Variants in CDH12 observed in about 807,000 individuals in gnomAD.
CDH12 encodes the protein cadherin-12.
In CDH12, 41 loss-of-function variants were observed where a neutral mutation model predicts 74.1. The observed-to-expected ratio is 0.55, with a 90% CI of 0.43 to 0.72. The LOEUF (loss-of-function observed/expected upper bound fraction) is 0.72. CDH12 is among the 30% of genes least tolerant of loss of function. CDH12 has a pLI of 0.00. For missense variants in CDH12, 945 were observed against 977.2 expected, an observed-to-expected ratio of 0.97 and a Z score of 0.44; for synonymous variants, 399 against 355.0, an observed-to-expected ratio of 1.12 and a Z score of -1.39.
At chr5:22,685,831 G>A (rs1483078986) in intron 1 of CDH12, among the ~76,000 whole-genome samples, 1 of 152,060 alleles carries the variant, frequency 6.6e-6, no homozygotes, top group African/African-American at 2.4e-5. Flanking sequence ...CACTCTTTCA[G>A]TATTATGATT....
At chr5:22,616,653 C>A (rs560416201) in intron 1 of CDH12, among the ~76,000 whole-genome samples, 2 of 151,878 alleles carry the variant, frequency 1.3e-5, no homozygotes, top group South Asian at 2.1e-4. Flanking sequence ...AACAGTAAAA[C>A]TACTTGATAT....
chr5:22,344,302 T>C, intron 3 of CDH12, among the ~76,000 whole-genome samples: 1 of 152,330 alleles, frequency 6.6e-6, no homozygotes, highest in Middle Eastern at 3.4e-3. Flanking sequence ...CCATATTTTA[T>C]ATACTTTAGA....
rs1580827458 is a variant in CDH12, at chr5:22,624,840, G to A, written c.-522-119476C>T. The stretch of plus-strand genomic sequence containing the variant: ...TACCCAAAGGATTATAAATCATGCT[G>A]CTATAAAGACACATGCACACGTATG... On this transcript the variant is annotated intron_variant, in intron 1 of 14. Coordinates refer to ENST00000382254, the MANE Select transcript of CDH12 (RefSeq NM_004061.5). 5.3e-5 allele frequency among the ~76,000 whole-genome samples: 8 copies of A among 152,258 alleles called. 2 individuals are homozygous for A. Among genetic ancestry groups the A allele is most frequent in the Admixed American group, 5.2e-4 (8 of 15,284 alleles).
intron 2 of CDH12, among the ~76,000 whole-genome samples, chr5:22,454,606 T>C (rs1745191606): frequency 6.6e-6 from 1 of 152,116 alleles, no homozygotes; most frequent in Non-Finnish European, 1.5e-5. Flanking sequence ...CCTGAGCAGC[T>C]GGATTACAGG....
At chr5:22,491,565 T>C (rs1413874138) in intron 2 of CDH12, among the ~76,000 whole-genome samples, 1 of 145,616 alleles carries the variant, frequency 6.9e-6, no homozygotes, top group Non-Finnish European at 1.5e-5. Context: ...AAGAATTGAC[T>C]TGGACCACAC....
At chr5:21,993,354 C>T (rs1328573396) in intron 5 of CDH12, among the ~76,000 whole-genome samples, 1 of 152,094 alleles carries the variant, frequency 6.6e-6, no homozygotes, top group Non-Finnish European at 1.5e-5. Context: ...GATTTTATTA[C>T]TATGCTTATG....
rs554637102 is a variant in CDH12 at position 21,839,751 on chromosome 5, T to G, written c.814+2410A>C. 1.4e-4 allele frequency among the ~76,000 whole-genome samples: 21 copies of G among 152,244 alleles called. No individual in the cohort carries two copies. The East Asian group carries it at 3.7e-3, about 27-fold the overall frequency. Reference sequence around the variant, plus strand: ...GAGTGGAAAGAGAAAAAACTGTGTTTTTTTGACTGTTTATGCAAATGACTG... The same window carrying G: ...GAGTGGAAAGAGAAAAAACTGTGTTGTTTTGACTGTTTATGCAAATGACTG... On this transcript the variant is annotated intron_variant, in intron 8 of 14. Transcript: ENST00000382254.
chr5:22,414,207 T>C (rs981721380), intron 2 of CDH12, among the ~76,000 whole-genome samples: 1 of 151,944 alleles, frequency 6.6e-6, no homozygotes, highest in Admixed American at 6.6e-5. Flanking sequence ...TCAAAAGAAA[T>C]ATTTTTAAAA....
At chr5:21,941,388 T>C (rs755399856) in intron 6 of CDH12, among the ~76,000 whole-genome samples, 1 of 152,228 alleles carries the variant, frequency 6.6e-6, no homozygotes, top group Non-Finnish European at 1.5e-5. Flanking sequence ...AGTCATTTAA[T>C]AGCATGCATG....
chr5:22,509,955 A>C (rs1008670475), intron 1 of CDH12, among the ~76,000 whole-genome samples: 1 of 152,110 alleles, frequency 6.6e-6, no homozygotes, highest in African/African-American at 2.4e-5. Context: ...AAGTACCAAA[A>C]TATCTTGAAG....
chr5:22,830,615 T>C (rs949931843), intron 1 of CDH12, among the ~76,000 whole-genome samples: 6 of 151,900 alleles, frequency 3.9e-5, no homozygotes, highest in Admixed American at 2.6e-4. Context: ...TGTGTACATA[T>C]ATATACATCT....
chr5:22,487,728 A>G (rs1425563786), intron 2 of CDH12, among the ~76,000 whole-genome samples: 10 of 152,166 alleles, frequency 6.6e-5, no homozygotes, highest in Admixed American at 5.9e-4. Flanking sequence ...AGCAAAACCT[A>G]CTTACCTCAG....
intron 1 of CDH12, among the ~76,000 whole-genome samples, chr5:22,785,278 T>G (rs2126362283): frequency 6.6e-6 from 1 of 152,332 alleles, no homozygotes; most frequent in Non-Finnish European, 1.5e-5. Context: ...ATTATAAATT[T>G]GATTAATCTT....
chr5:22,549,126 GTT>G (rs35054448), intron 1 of CDH12, among the ~76,000 whole-genome samples: 22,696 of 144,914 alleles, frequency 0.16, 2,298 homozygotes, highest in East Asian at 0.37. Flanking sequence ...TTGTTTATTT[GTT>G]TTTTTTTTGT....
At chr5:22,489,339 G>A (rs1426938945) in intron 2 of CDH12, among the ~76,000 whole-genome samples, 4 of 151,908 alleles carry the variant, frequency 2.6e-5, no homozygotes, top group East Asian at 3.9e-4. Context: ...TTACAGGCGT[G>A]AGCCACCACG....
intron 3 of CDH12, among the ~76,000 whole-genome samples, chr5:22,313,985 G>A (rs1403325062): frequency 6.6e-6 from 1 of 152,098 alleles, no homozygotes; most frequent in African/African-American, 2.4e-5. Flanking sequence ...AAAGAAAAAA[G>A]CTCACTCTGT....
chr5:21,971,901 G>C (rs1013680169), intron 6 of CDH12, among the ~76,000 whole-genome samples: 1 of 152,062 alleles, frequency 6.6e-6, no homozygotes, highest in African/African-American at 2.4e-5. Flanking sequence ...GTAACGGAGT[G>C]ATCTTTCTCT....
intron 3 of CDH12, among the ~76,000 whole-genome samples, chr5:22,279,029 T>C (rs1736760975): frequency 6.6e-6 from 1 of 152,136 alleles, no homozygotes; most frequent in Admixed American, 6.6e-5. Context: ...AGGCAAAACA[T>C]ACATATATAA....
At chr5:22,308,913 A>AGAG (rs1738254681) in intron 3 of CDH12, among the ~76,000 whole-genome samples, 4 of 23,598 alleles carry the variant, frequency 1.7e-4, no homozygotes, top group Admixed American at 6.7e-4. Context: ...GAGAGGAGAG[A>AGAG]GAGAGAGGAG....
Sources: allele counts gnomAD v4.1 joint callset (sites outside exome capture counted in the v4.1 genomes callset), GRCh38; gene constraint gnomAD v4.1.1; transcripts MANE v1.5; gene names NCBI Gene and HGNC (gene_info 2026-07-23, HGNC 2026-07-21).